Variants in GRIK3 observed in about 807,000 individuals in gnomAD.
GRIK3 encodes the protein glutamate ionotropic receptor kainate type subunit 3, also known as glutamate receptor ionotropic, kainate 3.
A neutral mutation model predicts 102.5 loss-of-function variants in GRIK3; 29 were observed. The observed-to-expected ratio is 0.28, with a 90% CI of 0.21 to 0.39. The LOEUF is 0.39. Ranked by LOEUF, GRIK3 falls within the 10% of genes least tolerant of loss-of-function variation. The probability of loss-of-function intolerance (pLI) is 1.00; values close to 1 mark genes in which losing one functional copy is unlikely to be tolerated. For synonymous variants in GRIK3, 511 were observed against 504.9 expected (o/e 1.01, Z -0.16); for missense variants, 908 against 1,252.4 (o/e 0.73, Z 4.15).
At chr1:37,017,369 T>TAAAAAAAAAAAAAAAAA (rs774819790) in intron 1 of GRIK3, among the ~76,000 whole-genome samples, 2 of 48,522 alleles carry the variant, frequency 4.1e-5, no homozygotes, top group Non-Finnish European at 6.9e-5. Flanking sequence ...CCCTGTCTCT[T>TAAAAAAAAAAAAAAAAA]AAAAAAAAAA....
intron 1 of GRIK3, among the ~76,000 whole-genome samples, chr1:36,916,055 A>G (rs957358754): frequency 6.6e-6 from 1 of 152,206 alleles, no homozygotes; most frequent in Non-Finnish European, 1.5e-5. Flanking sequence ...AAATGCTGAT[A>G]ATGATATCGT....
At chr1:36,843,357 C>T (rs1002777403) in intron 9 of GRIK3, among the ~76,000 whole-genome samples, 19 of 152,198 alleles carry the variant, frequency 1.2e-4, no homozygotes, top group African/African-American at 4.3e-4. Flanking sequence ...CTACTCTGCA[C>T]CAGGCACTGA....
chr1:36,897,411 T>G (rs1361288539), intron 1 of GRIK3, among the ~76,000 whole-genome samples: 1 of 152,118 alleles, frequency 6.6e-6, no homozygotes, highest in East Asian at 1.9e-4. Context: ...AAGGACAAAC[T>G]ACCTAGGACT....
chr1:36,911,502 C>T (rs943293703), intron 1 of GRIK3, among the ~76,000 whole-genome samples: 1 of 152,196 alleles, frequency 6.6e-6, no homozygotes, highest in South Asian at 2.1e-4. Flanking sequence ...GGGCCTTCAA[C>T]GGAGCTGTAG....
intron 1 of GRIK3, among the ~76,000 whole-genome samples, chr1:36,995,998 T>C (rs548229744): frequency 6.6e-6 from 1 of 152,352 alleles, no homozygotes; most frequent in African/African-American, 2.4e-5. Flanking sequence ...TCAGAGGCTC[T>C]GTGCTGGGCT....
chr1:36,849,428 C>A (rs1413118326), intron 9 of GRIK3, among the ~76,000 whole-genome samples: 2 of 152,184 alleles, frequency 1.3e-5, no homozygotes, highest in Non-Finnish European at 2.9e-5. Flanking sequence ...GCATATGGTC[C>A]TTATAAATAT....
At chr1:37,007,483 G>A (rs1642544894) in intron 1 of GRIK3, among the ~76,000 whole-genome samples, 1 of 152,162 alleles carries the variant, frequency 6.6e-6, no homozygotes, top group Non-Finnish European at 1.5e-5. Flanking sequence ...ATGGGTGTTG[G>A]GAAGGGCCCT....
rs1406875708 is a variant in GRIK3, at chr1:36,959,065, C to T, written c.116-67969G>A. ...TGAGTCTGTGTGCCCTGTGAGCCTG[C>T]ACCCCATGAGCGTCTATGACCTGTG... On this transcript the variant is annotated intron_variant, in intron 1 of 15. Coordinates refer to ENST00000373091, the MANE Select transcript of GRIK3 (RefSeq NM_000831.4). Among the ~76,000 whole-genome samples, 8 of 94,116 alleles carry T rather than the reference C, an allele frequency of 8.5e-5. 1 individual carries two copies. The highest frequency in any genetic ancestry group is 1.3e-4 in the Non-Finnish European group (6 of 45,636). 61.7% of individuals were successfully genotyped at this position (94,116 alleles called of 152,430 possible).
chr1:36,982,106 T>C (rs1642256113), intron 1 of GRIK3, among the ~76,000 whole-genome samples: 1 of 152,126 alleles, frequency 6.6e-6, no homozygotes, highest in African/African-American at 2.4e-5. Context: ...CTCAGCCCAC[T>C]CAGCCAGGAC....
At chr1:36,838,981 C>G (rs568532738) in intron 10 of GRIK3, among the ~76,000 whole-genome samples, 2 of 152,176 alleles carry the variant, frequency 1.3e-5, no homozygotes, top group South Asian at 4.1e-4. Context: ...GCTCGGAGGC[C>G]GTGGACGACA....
intron 9 of GRIK3, among the ~76,000 whole-genome samples, chr1:36,848,861 T>C (rs1303844697): frequency 1.3e-5 from 2 of 152,138 alleles, no homozygotes; most frequent in African/African-American, 2.4e-5. Context: ...TTTATATTTG[T>C]TTAGTTAACA....
intron 2 of GRIK3, 118 bp from the exon 3 acceptor site, chr1:36,881,009 G>T: frequency 9.2e-7 from 1 of 1,089,876 alleles, no homozygotes; most frequent in Non-Finnish European, 1.3e-6. Flanking sequence ...CTCGGTGGGT[G>T]CACAATGGAT....
At chr1:36,993,032 G>T (rs1557455472) in intron 1 of GRIK3, among the ~76,000 whole-genome samples, 1 of 152,144 alleles carries the variant, frequency 6.6e-6, no homozygotes, top group Non-Finnish European at 1.5e-5. Flanking sequence ...AGAAACATCA[G>T]TGCGAACATG....
chr1:37,025,446 G>A (rs552990572), intron 1 of GRIK3, among the ~76,000 whole-genome samples: 1 of 152,308 alleles, frequency 6.6e-6, no homozygotes, highest in East Asian at 1.9e-4. Context: ...TCTGGCACAT[G>A]CTAATATTTG....
chr1:36,877,200 T>C (rs537345989), intron 3 of GRIK3, among the ~76,000 whole-genome samples: 1 of 152,300 alleles, frequency 6.6e-6, no homozygotes, highest in Non-Finnish European at 1.5e-5. Flanking sequence ...AAGCACCTTT[T>C]CCTCTGCAAA....
chr1:36,996,515 G>A (rs1437047027), intron 1 of GRIK3, among the ~76,000 whole-genome samples: 4 of 152,186 alleles, frequency 2.6e-5, no homozygotes, highest in Non-Finnish European at 4.4e-5. Flanking sequence ...TGACCTGCAG[G>A]TCCTAACCAG....
At chr1:36,820,612 A>G (rs1381454656) in intron 11 of GRIK3, among the ~76,000 whole-genome samples, 1 of 152,224 alleles carries the variant, frequency 6.6e-6, no homozygotes, top group Non-Finnish European at 1.5e-5. Context: ...TTTAAAAGTG[A>G]GAACATGCTT....
At chr1:36,912,663 G>C (rs573272233) in intron 1 of GRIK3, among the ~76,000 whole-genome samples, 1 of 152,148 alleles carries the variant, frequency 6.6e-6, no homozygotes, top group South Asian at 2.1e-4. Flanking sequence ...CATGGTGGGG[G>C]GCTGCGTTGT....
chr1:36,798,885 C>T lies in GRIK3; in HGVS notation c.*2966G>A, dbSNP rs993434242. The T allele has an allele frequency of 2.0e-5, 3 of 152,192 alleles. No homozygotes were observed. The highest frequency in any genetic ancestry group is 7.2e-5 in the African/African-American group (3 of 41,448). 9.4% of individuals were successfully genotyped at this position (152,192 alleles called of 1,614,324 possible). ...GAATTGAATTCTGCCTCTATTTATC[C>T]ACTATTCTTTGTTCGTTTTATAAAA... On this transcript the variant is annotated 3_prime_UTR_variant, in exon 16 of 16. Coordinates refer to ENST00000373091, the MANE Select transcript of GRIK3 (RefSeq NM_000831.4).
Sources: gnomAD v4.1 joint callset for allele counts (sites outside exome capture counted in the v4.1 genomes callset) on GRCh38, gnomAD v4.1.1 for gene constraint, MANE v1.5 for transcripts, NCBI Gene and HGNC (gene_info 2026-07-23, HGNC 2026-07-21) for gene names.